ABCF1: variants seen among roughly 807,000 people sequenced by gnomAD.
ABCF1 encodes the protein ATP binding cassette subfamily F member 1.
ABCF1 carries 73 observed loss-of-function variants against 126.3 expected under a neutral mutation model. That is an observed-to-expected ratio of 0.58 (90% confidence interval 0.48 to 0.70). The LOEUF (loss-of-function observed/expected upper bound fraction) is 0.70, where lower values mean the gene tolerates loss of function less well. Among genes scored for constraint, ABCF1 ranks in the 30% least tolerant of loss-of-function variants. ABCF1 has a pLI of 0.00. For missense variants in ABCF1, 786 were observed against 1,057.5 expected (o/e 0.74, Z 3.56); for synonymous variants, 345 against 396.4 (o/e 0.87, Z 1.54).
At chr6:30,578,913 T>C (rs946280340) in intron 6 of ABCF1, among the ~76,000 whole-genome samples, 1 of 151,916 alleles carries the variant, frequency 6.6e-6, no homozygotes, top group African/African-American at 2.4e-5. Context: ...GGCAGGAGAA[T>C]CACTTGAACT....
At chr6:30,578,714 T>G in intron 6 of ABCF1, 137 bp downstream of exon 6, 1 of 870,128 alleles carries the variant, frequency 1.1e-6, no homozygotes, top group Admixed American at 2.3e-5. Context: ...TTAGAATACA[T>G]GCCCAGGCTG....
Position 30,583,339 on chromosome 6 carries a change from G to T in ABCF1, c.915+151G>T. 8.3e-7 allele frequency: 1 copy of T among 1,204,618 alleles called. No individual in the cohort carries two copies. The highest frequency in any genetic ancestry group is 1.1e-6 in the Non-Finnish European group (1 of 870,574). 74.6% of individuals were successfully genotyped at this position (1,204,618 alleles called of 1,614,324 possible). On this transcript the variant is annotated intron_variant, in intron 10 of 24. Coordinates refer to ENST00000326195, the MANE Select transcript of ABCF1 (RefSeq NM_001025091.2). The surrounding 1 kb of genome is among the most constrained non-coding windows in gnomAD (Gnocchi z 4.1). ...CACACCTTAGGTTCTGCCAACTTGA[G>T]CAAGAAGATAGAAAAACCAGTAGAA...
At chr6:30,576,813 C>G (rs1037973891) in intron 1 of ABCF1, among the ~76,000 whole-genome samples, 5 of 152,184 alleles carry the variant, frequency 3.3e-5, no homozygotes, top group African/African-American at 1.2e-4. Flanking sequence ...GGCCCTCACT[C>G]CAGCCTTACC....
At chr6:30,587,863 T>A in intron 20 of ABCF1, among the ~76,000 whole-genome samples, 1 of 73,710 alleles carries the variant, frequency 1.4e-5, no homozygotes, top group Admixed American at 1.2e-4. Context: ...AAAAAAAAAA[T>A]GCTTAAGTCA....
rs1331656867 is a variant in ABCF1, at chr6:30,590,603, G to GA, written c.2441dup (p.Gln815AlafsTer4). ...CAATTGCCAGCTGTGGGTGGTGGAG[G>GA]AGCAGAGTGTTAGCCAAATCGATGG... On this transcript the variant is annotated frameshift_variant, in exon 25 of 25. Transcript: ENST00000326195. LOFTEE classifies it high-confidence loss of function. 1.5e-5 allele frequency: 25 copies of GA among 1,612,954 alleles called. No individual in the cohort carries two copies. Among genetic ancestry groups the GA allele is most frequent in the Non-Finnish European group, 2.0e-5 (24 of 1,180,036 alleles).
chr6:30,580,660 G>A, intron 8 of ABCF1, 141 bp downstream of exon 8: 1 of 546,892 alleles, frequency 1.8e-6, no homozygotes. Flanking sequence ...AGTTGGGGTG[G>A]TGGTTCGTTT....
Position 30,580,431 on chromosome 6 carries a change from A to G in ABCF1, c.590A>G (p.Asp197Gly). ...CCTCAAAATAAATTCGCTGCTCTGG[A>G]CAATGAAGAGGAGGATAAAGAAGAA... is the stretch of plus-strand genomic sequence containing the variant. Reference protein sequence around the residue: ...AKPQNKFAALDNEEEDKEEEI... With the variant: ...AKPQNKFAALGNEEEDKEEEI... The change falls in exon 8 of 25, where the codon GAC becomes GGC. Residue 197 changes from aspartate (D) to glycine (G), a missense_variant. Asp to Gly is a moderately conservative substitution (Grantham distance 94, BLOSUM62 -1). Coordinates refer to ENST00000326195, the MANE Select transcript of ABCF1 (RefSeq NM_001025091.2). The G allele has an allele frequency of 6.5e-7, 1 of 1,543,106 alleles. No homozygotes were observed. Among genetic ancestry groups the G allele is most frequent in the Non-Finnish European group, 8.6e-7 (1 of 1,157,094 alleles).
At chr6:30,587,270 G>T (rs1802195921) in intron 20 of ABCF1, among the ~76,000 whole-genome samples, 1 of 142,538 alleles carries the variant, frequency 7.0e-6, no homozygotes, top group South Asian at 2.3e-4. Context: ...AAAAAAATTG[G>T]CCTGGCGTGG....
intron 1 of ABCF1, among the ~76,000 whole-genome samples, chr6:30,573,887 C>T (rs1489856289): frequency 6.6e-6 from 1 of 152,092 alleles, no homozygotes; most frequent in Admixed American, 6.6e-5. Flanking sequence ...GATTTTGAGA[C>T]CCAATGAGGA....
intron 23 of ABCF1, 29 bp downstream of exon 23, chr6:30,590,242 A>T: frequency 6.2e-7 from 1 of 1,612,994 alleles, no homozygotes; most frequent in Non-Finnish European, 8.5e-7. Context: ...GGGAAAAGGG[A>T]TAAGGGTAAC....
At chr6:30,576,443 A>G (rs1363066766) in intron 1 of ABCF1, among the ~76,000 whole-genome samples, 1 of 151,588 alleles carries the variant, frequency 6.6e-6, no homozygotes, top group South Asian at 2.1e-4. Flanking sequence ...GCCCGCCACT[A>G]TGCCTGGCTA....
chr6:30,578,681 C>CT, intron 6 of ABCF1, 104 bp downstream of exon 6: 1 of 1,023,630 alleles, frequency 9.8e-7, no homozygotes. Flanking sequence ...GTCTGTCTTA[C>CT]TTATACTGTT....
chr6:30,590,096 C>T (rs138086320), intron 22 of ABCF1, 53 bp from the exon 23 acceptor site: 3 of 1,611,566 alleles, frequency 1.9e-6, no homozygotes, highest in East Asian at 4.5e-5. Flanking sequence ...TGAGGGTTTG[C>T]CTTCAGAATG....
At chr6:30,589,526 C>T in intron 20 of ABCF1, 162 bp from the exon 21 acceptor site, 1 of 758,848 alleles carries the variant, frequency 1.3e-6, no homozygotes, top group Non-Finnish European at 2.1e-6. Flanking sequence ...TGGCGTGAAC[C>T]CGGAAGGTGG....
Position 30,585,247 on chromosome 6 carries a change from A to C in ABCF1, c.1392-13A>C. Reference sequence around the variant, plus strand: ...TCTCTCCCTGACCCTGCCCTCTGCTACCCACCCTCTAGGGCACTGTTCATG... The same window carrying C: ...TCTCTCCCTGACCCTGCCCTCTGCTCCCCACCCTCTAGGGCACTGTTCATG... On this transcript the variant is annotated splice_polypyrimidine_tract_variant and intron_variant, in intron 14 of 24. Coordinates refer to ENST00000326195, the MANE Select transcript of ABCF1 (RefSeq NM_001025091.2). 6.2e-7 allele frequency: 1 copy of C among 1,611,378 alleles called. No homozygotes were observed. The highest frequency in any genetic ancestry group is 1.1e-5 in the South Asian group (1 of 91,026).
rs113419919 is a variant in ABCF1 at position 30,589,804 on chromosome 6, A to G, written c.2065-2A>G. Reference sequence around the variant, plus strand: ...CGACCACCTCCCTCTCTTCTCGGGCAGAAAATTGGCTTCTTCAACCAGCAG... The same window carrying G: ...CGACCACCTCCCTCTCTTCTCGGGCGGAAAATTGGCTTCTTCAACCAGCAG... On this transcript the variant is annotated splice_acceptor_variant, in intron 21 of 24. Transcript: ENST00000326195. LOFTEE classifies it high-confidence loss of function. The G allele has an allele frequency of 2.8e-5, 45 of 1,614,052 alleles. No homozygotes were observed. The highest frequency in any genetic ancestry group is 2.7e-5 in the Non-Finnish European group (32 of 1,180,036).
intron 6 of ABCF1, 146 bp downstream of exon 6, chr6:30,578,723 T>TG: frequency 1.2e-6 from 1 of 801,826 alleles, no homozygotes; most frequent in Non-Finnish European, 2.0e-6. Context: ...ATGCCCAGGC[T>TG]GGGCACAGTG....
intron 8 of ABCF1, among the ~76,000 whole-genome samples, 155 bp from the exon 9 acceptor site, chr6:30,582,239 G>A (rs997484521): frequency 6.6e-6 from 1 of 152,076 alleles, no homozygotes; most frequent in Non-Finnish European, 1.5e-5. Flanking sequence ...TGTATTTTTA[G>A]TAGAGATGGG....
chr6:30,582,917 T>C, intron 9 of ABCF1, 149 bp from the exon 10 acceptor site: 5 of 1,090,400 alleles, frequency 4.6e-6, no homozygotes, highest in Non-Finnish European at 6.6e-6. Flanking sequence ...GGTCTCAAAC[T>C]CCTGAGCTCA....
Sources: allele counts gnomAD v4.1 joint callset (sites outside exome capture counted in the v4.1 genomes callset), GRCh38; gene constraint gnomAD v4.1.1; non-coding constraint Gnocchi (gnomAD v3.1); transcripts MANE v1.5; gene names NCBI Gene and HGNC (gene_info 2026-07-23, HGNC 2026-07-21).